Variants in RBFOX1 observed in about 807,000 individuals in gnomAD.
The protein encoded by RBFOX1 is RNA binding fox-1 homolog 1, also known as RNA binding protein fox-1 homolog 1.
In RBFOX1, 8 loss-of-function variants were observed where a neutral mutation model predicts 57.7. The ratio of observed to expected loss-of-function variants is 0.14; its 90% CI spans 0.08 to 0.25. The LOEUF (loss-of-function observed/expected upper bound fraction) is 0.25. Among genes scored for constraint, RBFOX1 ranks in the 10% least tolerant of loss-of-function variants. The pLI is 1.00. For missense variants in RBFOX1, 611 were observed against 548.5 expected, an observed-to-expected ratio of 1.11 and a Z score of -1.14; for synonymous variants, 326 against 222.4, an observed-to-expected ratio of 1.47 and a Z score of -4.15.
rs549780472 is a variant in RBFOX1 at position 5,674,838 on chromosome 16, G to T, written c.318+75877G>T. On this transcript the variant is annotated intron_variant, in intron 3 of 19. Coordinates refer to the RBFOX1 transcript ENST00000641259. ...AATGCTGGTCTGGCGCACGTAGTAC[G>T]TTATGTAAAAATAGCACATTGTGGC... 6.6e-5 allele frequency among the ~76,000 whole-genome samples: 10 copies of T among 152,230 alleles called. No homozygotes were observed. In the East Asian group the frequency reaches 1.5e-3, roughly 24 times the overall value.
At chr16:6,431,273 T>C (rs190138473) in intron 2 of RBFOX1, among the ~76,000 whole-genome samples, 1 of 152,142 alleles carries the variant, frequency 6.6e-6, no homozygotes, top group African/African-American at 2.4e-5. Context: ...GAGGATCCTA[T>C]GGCTGTGGAT....
chr16:5,341,733 C>T (rs976394488), intron 1 of RBFOX1, among the ~76,000 whole-genome samples: 4 of 152,152 alleles, frequency 2.6e-5, no homozygotes, highest in African/African-American at 4.8e-5. Context: ...TGGCCTTGAC[C>T]GAGCCAGTGG....
chr16:7,579,119 CTTGTT>C (rs909659093), intron 5 of RBFOX1, among the ~76,000 whole-genome samples: 24 of 152,150 alleles, frequency 1.6e-4, no homozygotes, highest in Non-Finnish European at 3.1e-4. Context: ...AGTTAAATAT[CTTGTT>C]TTAATTCAGT....
chr16:5,392,360 C>T (rs978194396), intron 1 of RBFOX1, among the ~76,000 whole-genome samples: 2 of 152,034 alleles, frequency 1.3e-5, no homozygotes, highest in Non-Finnish European at 2.9e-5. Context: ...TTCTTATTAA[C>T]TTCATCATCT....
In RBFOX1 at chr16:5,599,138, A is replaced by AC; in HGVS notation, c.495_496insC (p.Ser166LeufsTer98). ...TTTCCAGAGCACTTGCACAATTTCT[A>AC]TCACTTGGGCCGTATTCCCAGCCTC... On this transcript the variant is annotated frameshift_variant, in exon 3 of 3. Transcript: ENST00000585867. LOFTEE classifies it low-confidence loss of function (END_TRUNC). The AC allele has an allele frequency of 1.5e-6, 1 of 671,306 alleles. No homozygotes were observed. The highest frequency in any genetic ancestry group is 3.0e-5 in the East Asian group (1 of 33,018). 41.6% of individuals were successfully genotyped at this position (671,306 alleles called of 1,614,324 possible).
intron 4 of RBFOX1, among the ~76,000 whole-genome samples, chr16:7,062,558 A>C (rs1475738316): frequency 6.6e-6 from 1 of 152,058 alleles, no homozygotes; most frequent in Admixed American, 6.6e-5. Flanking sequence ...ATTTGGGTTA[A>C]ATTTCCTCTT....
At chr16:6,327,547 A>G (rs1406185552) in intron 2 of RBFOX1, among the ~76,000 whole-genome samples, 1 of 152,020 alleles carries the variant, frequency 6.6e-6, no homozygotes, top group African/African-American at 2.4e-5. Flanking sequence ...CCTATTGTTT[A>G]TTTGCCCATA....
intron 1 of RBFOX1, among the ~76,000 whole-genome samples, chr16:6,288,381 T>C (rs1185166369): frequency 6.6e-6 from 1 of 152,188 alleles, no homozygotes; most frequent in Non-Finnish European, 1.5e-5. Context: ...GGTTAGAGCC[T>C]GAGATTCTGC....
intron 3 of RBFOX1, among the ~76,000 whole-genome samples, chr16:5,678,407 G>C (rs1596713115): frequency 6.6e-6 from 1 of 152,278 alleles, no homozygotes; most frequent in East Asian, 1.9e-4. Context: ...AGAAATTCCT[G>C]CCAGTTTCTA....
At chr16:6,694,931 C>T (rs1228718491) in intron 3 of RBFOX1, among the ~76,000 whole-genome samples, 1 of 151,534 alleles carries the variant, frequency 6.6e-6, no homozygotes, top group East Asian at 1.9e-4. Flanking sequence ...TGTCAGATCT[C>T]GGGGGAAAGG....
At chr16:7,241,222 C>A (rs771664409) in intron 4 of RBFOX1, among the ~76,000 whole-genome samples, 3 of 152,128 alleles carry the variant, frequency 2.0e-5, no homozygotes, top group Non-Finnish European at 4.4e-5. Context: ...CCATAAATCA[C>A]ACGGAGTTTT....
intron 2 of RBFOX1, among the ~76,000 whole-genome samples, chr16:6,484,150 T>C (rs2153103149): frequency 6.6e-6 from 1 of 152,308 alleles, no homozygotes; most frequent in South Asian, 2.1e-4. Context: ...TAAGCGTTTA[T>C]TAAGAACCGA....
At chr16:5,910,277 T>G (rs936177500) in intron 4 of RBFOX1, among the ~76,000 whole-genome samples, 1 of 151,850 alleles carries the variant, frequency 6.6e-6, no homozygotes, top group Non-Finnish European at 1.5e-5. Flanking sequence ...CAGGGAGAAG[T>G]TTCACATAGC....
In RBFOX1 at chr16:6,696,332, A is replaced by G. The variant is rs57417086; in HGVS notation, c.-16+41682A>G. 9.5e-3 allele frequency among the ~76,000 whole-genome samples: 1,294 copies of G among 136,020 alleles called. 6 individuals carry two copies. The highest frequency in any genetic ancestry group is 0.028 in the African/African-American group (1,076 of 37,834). The allele number at this position is 136,020 out of a possible 152,430, so 89.2% of individuals were successfully genotyped here. A position where few individuals can be genotyped will look rare whatever the true frequency, so the allele number is the denominator to read the frequency against. On this transcript the variant is annotated intron_variant, in intron 3 of 15. Transcript: ENST00000550418. ...ACTTTTTCTTAGAAGTTTTCTTTGG[A>G]AAAAAAAATTTAGACTAGCACTTTC...
intron 1 of RBFOX1, among the ~76,000 whole-genome samples, chr16:5,331,069 A>G (rs909897763): frequency 1.3e-5 from 2 of 152,144 alleles, no homozygotes; most frequent in African/African-American, 2.4e-5. Flanking sequence ...TCTGGAGGTG[A>G]TGTGGCTCTA....
intron 4 of RBFOX1, among the ~76,000 whole-genome samples, chr16:7,379,023 C>G (rs1053844062): frequency 1.3e-5 from 2 of 152,202 alleles, no homozygotes; most frequent in African/African-American, 2.4e-5. Context: ...AATGCAGTTA[C>G]TTTATCTATG....
chr16:5,993,278 C>G (rs1459920450), intron 4 of RBFOX1, among the ~76,000 whole-genome samples: 3 of 151,438 alleles, frequency 2.0e-5, no homozygotes, highest in Non-Finnish European at 4.4e-5. Flanking sequence ...CTTTTTGTAG[C>G]ATGTATGTGA....
chr16:7,541,959 G>T (rs557554613), intron 5 of RBFOX1, among the ~76,000 whole-genome samples: 1 of 152,360 alleles, frequency 6.6e-6, no homozygotes, highest in East Asian at 1.9e-4. Context: ...CTAAGGTGCA[G>T]TGCTTCAGCT....
chr16:6,681,534 ATC>A (rs2058650666), intron 3 of RBFOX1, among the ~76,000 whole-genome samples: 1 of 152,032 alleles, frequency 6.6e-6, no homozygotes, highest in South Asian at 2.1e-4. Context: ...GGTGTTTTTC[ATC>A]TCCAAACTTT....
Sources: allele counts gnomAD v4.1 joint callset (sites outside exome capture counted in the v4.1 genomes callset), GRCh38; gene constraint gnomAD v4.1.1; transcripts MANE v1.5; gene names NCBI Gene and HGNC (gene_info 2026-07-23, HGNC 2026-07-21).